Variants in SMIM35 observed in about 807,000 individuals in gnomAD.
The protein encoded by SMIM35 is small integral membrane protein 35, also known as TMPRSS4 antisense RNA 1 (non-protein coding).
chr11:118,015,162 T>G (rs2058172974), intron 2 of SMIM35, among the ~76,000 whole-genome samples: 1 of 152,216 alleles, frequency 6.6e-6, no homozygotes, highest in Admixed American at 6.5e-5. Flanking sequence ...TAAGTGCAGA[T>G]CTAGGAAATA....
chr11:118,049,313 A>G (rs577909508), intron 1 of SMIM35, among the ~76,000 whole-genome samples: 1 of 148,510 alleles, frequency 6.7e-6, no homozygotes, highest in Non-Finnish European at 1.5e-5. Context: ...GGAAGCTGCA[A>G]TTCTCGCATG....
chr11:118,011,172 C>T (rs1392747766), intron 4 of SMIM35, among the ~76,000 whole-genome samples: 4 of 152,148 alleles, frequency 2.6e-5, no homozygotes, highest in Non-Finnish European at 4.4e-5. Context: ...CAGTTCTGCT[C>T]CCGAGGATGG....
intron 1 of SMIM35, among the ~76,000 whole-genome samples, chr11:118,054,070 C>T (rs370149983): frequency 1.8e-4 from 28 of 151,970 alleles, no homozygotes; most frequent in African/African-American, 6.3e-4. Context: ...TTCATCTTTG[C>T]ATCATTTGCA....
intron 4 of SMIM35, among the ~76,000 whole-genome samples, chr11:118,009,688 C>T (rs1220285974): frequency 3.3e-5 from 5 of 149,978 alleles, no homozygotes; most frequent in Non-Finnish European, 5.9e-5. Flanking sequence ...CTACTATGGA[C>T]CAGGCTATAC....
chr11:118,042,260 G>A (rs573453511), intron 1 of SMIM35, among the ~76,000 whole-genome samples: 1 of 151,832 alleles, frequency 6.6e-6, no homozygotes, highest in African/African-American at 2.4e-5. Context: ...CAAATTACTA[G>A]AATCAGAAAT....
intron 4 of SMIM35, among the ~76,000 whole-genome samples, chr11:118,012,494 A>G (rs2058155562): frequency 6.6e-6 from 1 of 152,184 alleles, no homozygotes; most frequent in Non-Finnish European, 1.5e-5. Flanking sequence ...TTGCCACAGG[A>G]CAGGCTTTGC....
At chr11:118,007,205 G>T (rs2058126512) in intron 4 of SMIM35, among the ~76,000 whole-genome samples, 1 of 152,106 alleles carries the variant, frequency 6.6e-6, no homozygotes, top group Non-Finnish European at 1.5e-5. Context: ...TGCCAGTTTG[G>T]ACTGAGGCTA....
At chr11:118,035,509 C>T (rs968667815) in intron 1 of SMIM35, among the ~76,000 whole-genome samples, 2 of 152,140 alleles carry the variant, frequency 1.3e-5, no homozygotes, top group African/African-American at 2.4e-5. Context: ...TGCTCAAAAA[C>T]GTATGTTCTA....
At chr11:118,025,582 T>C (rs1225387531) in intron 1 of SMIM35, 3 of 454,414 alleles carry the variant, frequency 6.6e-6, no homozygotes, top group African/African-American at 2.0e-5. Context: ...TGGCCACTTG[T>C]ATGTCTTCTT....
chr11:118,029,764 T>G (rs1291643886), intron 1 of SMIM35: 1 of 457,336 alleles, frequency 2.2e-6, no homozygotes, highest in Admixed American at 2.3e-5. Context: ...AAGCCCCCTT[T>G]CCCAGAGGTC....
rs2058108224 is a variant in SMIM35, at chr11:118,003,654, G to A, written c.*2756C>T. 6.6e-6 allele frequency: 1 copy of A among 152,162 alleles called. No individual in the cohort carries two copies. 9.4% of individuals were successfully genotyped at this position (152,162 alleles called of 1,614,324 possible). A position where few individuals can be genotyped will look rare whatever the true frequency, so the allele number is the denominator to read the frequency against. ...AGAGACCTGGCTGGAGACTTTTATTGTAGTCAGCATTTCATTTTGTCAAAA... is the reference window on the plus strand; with the variant it reads ...AGAGACCTGGCTGGAGACTTTTATTATAGTCAGCATTTCATTTTGTCAAAA... On this transcript the variant is annotated 3_prime_UTR_variant, in exon 5 of 5. Transcript: ENST00000689828.
intron 4 of SMIM35, among the ~76,000 whole-genome samples, 151 bp from the exon 5 acceptor site, chr11:118,006,527 A>G (rs541997953): frequency 3.3e-5 from 5 of 152,296 alleles, no homozygotes; most frequent in Admixed American, 1.3e-4. Flanking sequence ...TTTGCACCCA[A>G]TCAATGCCTA....
rs947604698 is a variant in SMIM35 at position 118,003,744 on chromosome 11, C to G, written c.*2666G>C. The stretch of plus-strand genomic sequence containing the variant: ...CAGCCCTGGGTACAGAGTGGTGAAC[C>G]AAACAAGTGTGGCTTCATGGAGCCT... On this transcript the variant is annotated 3_prime_UTR_variant, in exon 5 of 5. Transcript: ENST00000689828. The G allele has an allele frequency of 6.6e-6, 1 of 152,188 alleles. No homozygotes were observed. Among genetic ancestry groups the G allele is most frequent in the Non-Finnish European group, 1.5e-5 (1 of 68,042 alleles). The allele number at this position is 152,188 out of a possible 1,614,324, so 9.4% of individuals were successfully genotyped here.
intron 1 of SMIM35, chr11:118,029,854 C>T (rs1203620188): frequency 4.2e-5 from 19 of 453,470 alleles, no homozygotes; most frequent in Non-Finnish European, 7.1e-5. Flanking sequence ...CTAGCATCTG[C>T]CTCCTGCATT....
At chr11:118,017,927 C>T (rs2058196776) in intron 1 of SMIM35, among the ~76,000 whole-genome samples, 1 of 152,170 alleles carries the variant, frequency 6.6e-6, no homozygotes. Context: ...GGGTACCCAC[C>T]CCCATGATTA....
In SMIM35 at chr11:118,074,150, C is replaced by G. The variant is rs558199931; in HGVS notation, c.7+12601G>C. Among the ~76,000 whole-genome samples the G allele has an allele frequency of 6.6e-5, 10 of 152,272 alleles. No homozygotes were observed. In the East Asian group the frequency reaches 1.9e-3, roughly 29 times the overall value. On this transcript the variant is annotated intron_variant, in intron 1 of 4. Coordinates refer to ENST00000689828, the MANE Select transcript of SMIM35 (RefSeq NM_001394165.1). ...TTACAAAAACGTATGATTGTGTGAA[C>G]ATATTGCCGGGCCCTTTCCCAGGGC...
chr11:118,022,328 C>T lies in SMIM35; in HGVS notation c.8-6519G>A, dbSNP rs528281105. On this transcript the variant is annotated intron_variant, in intron 1 of 4. Transcript: ENST00000689828. ...CCTCCCAAAGTGCTGGGATTACAGG[C>T]GTGAGCCACCGCCCCTGGCCCAACA... Among the ~76,000 whole-genome samples the T allele has an allele frequency of 2.6e-5, 4 of 152,248 alleles. No individual in the cohort carries two copies. The East Asian group carries it at 5.8e-4, about 22-fold the overall frequency.
chr11:118,042,347 AATAG>A (rs1944019346), intron 1 of SMIM35, among the ~76,000 whole-genome samples: 1 of 152,200 alleles, frequency 6.6e-6, no homozygotes, highest in Non-Finnish European at 1.5e-5. Flanking sequence ...ACACCAACAA[AATAG>A]ATAACTTAGA....
intron 1 of SMIM35, among the ~76,000 whole-genome samples, chr11:118,066,734 A>AG (rs967105491): frequency 2.0e-5 from 3 of 152,070 alleles, no homozygotes; most frequent in Non-Finnish European, 2.9e-5. Context: ...AGGAGGCAAA[A>AG]GGATCACTTG....
Sources: gnomAD v4.1 joint callset for allele counts (sites outside exome capture counted in the v4.1 genomes callset) on GRCh38, gnomAD v4.1.1 for gene constraint, MANE v1.5 for transcripts, NCBI Gene and HGNC (gene_info 2026-07-23, HGNC 2026-07-21) for gene names.